The following TAF3 variants were observed in gnomAD, a reference collection of about 807,000 sequenced individuals.
TAF3 encodes TATA-box binding protein associated factor 3.
A neutral mutation model predicts 80.6 loss-of-function variants in TAF3; 7 were observed. The observed-to-expected ratio is 0.09, with a 90% confidence interval of 0.05 to 0.16. The LOEUF is 0.16. Among genes scored for constraint, TAF3 ranks in the 10% least tolerant of loss-of-function variants. The pLI, the probability that TAF3 is intolerant of heterozygous loss-of-function variation, is 1.00. For missense variants in TAF3, 921 were observed against 1,140.2 expected (o/e 0.81, Z 2.77); for synonymous variants, 444 against 446.1 (o/e 1.00, Z 0.06).
rs1837317787 is a variant in TAF3, at chr10:7,876,962, C to T, written c.409+52402C>T. ...TAGCAAATCTAAATAAAACTGTCAT[C>T]CTGATTTTCAGATCTCTCTTTGAAC... is the stretch of plus-strand genomic sequence containing the variant. On this transcript the variant is annotated intron_variant, in intron 2 of 6. Transcript: ENST00000344293. Among the ~76,000 whole-genome samples, 3 of 151,698 alleles carry T rather than the reference C, an allele frequency of 2.0e-5. No individual in the cohort carries two copies. In the South Asian group the frequency reaches 6.2e-4, roughly 31 times the overall value.
At chr10:7,910,077 AC>A (rs1425728806) in intron 2 of TAF3, among the ~76,000 whole-genome samples, 1 of 152,054 alleles carries the variant, frequency 6.6e-6, no homozygotes, top group African/African-American at 2.4e-5. Context: ...TTGTATTGTT[AC>A]TTTTATTGGT....
At chr10:7,860,780 TTTTCTTTC>T (rs369905405) in intron 2 of TAF3, among the ~76,000 whole-genome samples, 16 of 149,350 alleles carry the variant, frequency 1.1e-4, no homozygotes, top group South Asian at 2.1e-4. Flanking sequence ...AACAGGAGCC[TTTTCTTTC>T]TTTCTTTCTT....
intron 3 of TAF3, chr10:7,975,070 CAAAAAAAAAAAA>C (rs35755700): frequency 3.9e-4 from 69 of 175,778 alleles, no homozygotes; most frequent in South Asian, 9.1e-4. Flanking sequence ...GACTCTGTCT[CAAAAAAAAAAAA>C]AAAAAAAAAA....
chr10:7,870,035 A>T (rs953825362), intron 2 of TAF3, among the ~76,000 whole-genome samples: 8 of 152,200 alleles, frequency 5.3e-5, no homozygotes, highest in Admixed American at 6.5e-5. Flanking sequence ...CTTTAAAAAA[A>T]TTAGATAATT....
chr10:7,895,886 T>A (rs1837499646), intron 2 of TAF3, among the ~76,000 whole-genome samples: 1 of 152,216 alleles, frequency 6.6e-6, no homozygotes, highest in Non-Finnish European at 1.5e-5. Context: ...TCCCCACCCC[T>A]GCGCCTAGTT....
rs151164265 is a variant in TAF3, at chr10:7,840,157, GT to G, written c.409+15609del. On this transcript the variant is annotated intron_variant, in intron 2 of 6. Transcript: ENST00000344293. ...TATGAAGTATCTTAGGAAAATGAGT[GT>G]TTTTTTTTTTTCGAGACGGAGTCTC... 2.9e-4 allele frequency among the ~76,000 whole-genome samples: 42 copies of G among 144,806 alleles called. No homozygotes were observed. The East Asian group carries it at 3.8e-3, about 13-fold the overall frequency. The allele number at this position is 144,806 out of a possible 152,430, so 95.0% of individuals were successfully genotyped here.
In TAF3 at chr10:8,009,377, C is replaced by G; in HGVS notation, c.2568+47C>G. ...GGTTAGCATGGAGACGTTTTCAGAT[C>G]GAGACAAGTGTGTGCTCTGAATCAC... On this transcript the variant is annotated intron_variant, in intron 5 of 6. Transcript: ENST00000344293. The surrounding 1 kb of genome is among the most constrained non-coding windows in gnomAD (Gnocchi z 4.1). The G allele has an allele frequency of 6.4e-7, 1 of 1,555,918 alleles. No individual in the cohort carries two copies. The highest frequency in any genetic ancestry group is 1.8e-5 in the Admixed American group (1 of 55,782).
At chr10:8,012,137 C>T (rs1354922863) in intron 5 of TAF3, among the ~76,000 whole-genome samples, 4 of 152,142 alleles carry the variant, frequency 2.6e-5, no homozygotes, top group Non-Finnish European at 4.4e-5. Context: ...ATGATCACAC[C>T]ACTGCACTCC....
rs570328787 is a variant in TAF3, at chr10:7,915,807, C to T, written c.410-48113C>T. Among the ~76,000 whole-genome samples the T allele has an allele frequency of 5.3e-5, 8 of 151,668 alleles. No homozygotes were observed. The South Asian group carries it at 1.0e-3, about 20-fold the overall frequency. On this transcript the variant is annotated intron_variant, in intron 2 of 6. Coordinates refer to ENST00000344293, the MANE Select transcript of TAF3 (RefSeq NM_031923.4). ...CAGCCTCGCCAACATGGTGAAATCT[C>T]GTCTCTACTAAAAATACAAAAATTA...
chr10:8,006,020 T>G (rs1831987722), intron 4 of TAF3, among the ~76,000 whole-genome samples: 1 of 152,164 alleles, frequency 6.6e-6, no homozygotes, highest in Non-Finnish European at 1.5e-5. Flanking sequence ...ATAGCTTGCC[T>G]CATGTGGTCA....
At chr10:7,935,116 A>C (rs527435456) in intron 2 of TAF3, among the ~76,000 whole-genome samples, 48 of 152,238 alleles carry the variant, frequency 3.2e-4, no homozygotes, top group African/African-American at 1.1e-3. Context: ...ATTTCTATTA[A>C]AAATACAAAA....
chr10:7,896,959 G>A (rs1214701587), intron 2 of TAF3, among the ~76,000 whole-genome samples: 1 of 152,142 alleles, frequency 6.6e-6, no homozygotes, highest in Non-Finnish European at 1.5e-5. Context: ...TGAGGTACCT[G>A]TTCCTGGCTG....
Position 7,864,908 on chromosome 10 carries a change from T to C in TAF3, c.409+40348T>C, listed in dbSNP as rs977851447. ...TAAGATCACAAAGGTTTTTGTCCTG[T>C]GTTATCTTCTAGAAGTTTTATAGTT... On this transcript the variant is annotated intron_variant, in intron 2 of 6. Coordinates refer to ENST00000344293, the MANE Select transcript of TAF3 (RefSeq NM_031923.4). 2.6e-5 allele frequency among the ~76,000 whole-genome samples: 4 copies of C among 152,228 alleles called. No homozygotes were observed. In the East Asian group the frequency reaches 7.7e-4, roughly 29 times the overall value.
intron 2 of TAF3, among the ~76,000 whole-genome samples, chr10:7,955,913 G>A (rs1838130763): frequency 6.6e-6 from 1 of 152,170 alleles, no homozygotes; most frequent in Non-Finnish European, 1.5e-5. Flanking sequence ...TAAAGCTTTT[G>A]AAAGATAGGG....
chr10:7,835,328 T>G (rs936086076), intron 2 of TAF3, among the ~76,000 whole-genome samples: 1 of 125,428 alleles, frequency 8.0e-6, no homozygotes, highest in Non-Finnish European at 1.8e-5. Context: ...GGGCTGTGGG[T>G]TGACAAGCTT....
intron 2 of TAF3, among the ~76,000 whole-genome samples, chr10:7,923,198 A>G (rs1837781604): frequency 6.6e-6 from 1 of 152,100 alleles, no homozygotes; most frequent in African/African-American, 2.4e-5. Flanking sequence ...GATTCCTGGT[A>G]TGTGAACAGA....
chr10:7,864,005 C>T (rs558110656), intron 2 of TAF3, among the ~76,000 whole-genome samples: 4 of 152,018 alleles, frequency 2.6e-5, no homozygotes, highest in Non-Finnish European at 4.4e-5. Flanking sequence ...CATCCTGCTC[C>T]TTCATCCCCT....
intron 4 of TAF3, 118 bp from the exon 5 acceptor site, chr10:8,008,960 A>G (rs2131440977): frequency 7.2e-7 from 1 of 1,387,986 alleles, no homozygotes; most frequent in East Asian, 2.9e-5. Flanking sequence ...AGCTGCCTCT[A>G]GACGTTGAAG....
intron 3 of TAF3, among the ~76,000 whole-genome samples, chr10:7,974,240 C>T (rs1302789146): frequency 1.3e-5 from 2 of 152,074 alleles, no homozygotes; most frequent in Non-Finnish European, 2.9e-5. Flanking sequence ...CACCCATCCC[C>T]CTCATGACCC....
Sources: allele counts gnomAD v4.1 joint callset (sites outside exome capture counted in the v4.1 genomes callset), GRCh38; gene constraint gnomAD v4.1.1; non-coding constraint Gnocchi (gnomAD v3.1); transcripts MANE v1.5; gene names NCBI Gene and HGNC (gene_info 2026-07-23, HGNC 2026-07-21).